The following ADAMTS19 variants were observed in gnomAD, a reference collection of about 807,000 sequenced individuals.
ADAMTS19 encodes A disintegrin and metalloproteinase with thrombospondin motifs 19.
A neutral mutation model predicts 153.3 loss-of-function variants in ADAMTS19; 93 were observed. The ratio of observed to expected loss-of-function variants is 0.61; its 90% confidence interval spans 0.51 to 0.72. ADAMTS19 has a LOEUF of 0.72. Among genes scored for constraint, ADAMTS19 ranks in the 30% least tolerant of loss-of-function variants. The probability of loss-of-function intolerance (pLI) is 0.00; values close to 1 mark genes in which losing one functional copy is unlikely to be tolerated. For synonymous variants in ADAMTS19, 600 were observed against 556.6 expected (o/e 1.08, Z -1.10); for missense variants, 1,482 against 1,552.1 (o/e 0.95, Z 0.76).
At chr5:129,594,351 A>C (rs2126915141) in intron 7 of ADAMTS19, among the ~76,000 whole-genome samples, 1 of 152,270 alleles carries the variant, frequency 6.6e-6, no homozygotes, top group Non-Finnish European at 1.5e-5. Context: ...CTGAGTTTTA[A>C]ATCTGAACAG....
chr5:129,631,082 G>A (rs3853508), intron 10 of ADAMTS19, among the ~76,000 whole-genome samples: 2,474 of 149,936 alleles, frequency 0.017, 29 homozygotes, highest in Non-Finnish European at 0.027. Flanking sequence ...AAACTAAATT[G>A]TTGCTGATAA....
At chr5:129,608,648 A>G (rs1485056613) in intron 8 of ADAMTS19, among the ~76,000 whole-genome samples, 2 of 152,078 alleles carry the variant, frequency 1.3e-5, no homozygotes, top group African/African-American at 4.8e-5. Context: ...ATAATGGCTC[A>G]CAGTGGAGCA....
At chr5:129,487,785 AGGTC>A (rs1364421140) in intron 2 of ADAMTS19, among the ~76,000 whole-genome samples, 5 of 152,020 alleles carry the variant, frequency 3.3e-5, no homozygotes, top group Admixed American at 2.6e-4. Flanking sequence ...TCTGTAGGAG[AGGTC>A]TGTGGCATTA....
At chr5:129,475,825 C>T (rs111923962) in intron 2 of ADAMTS19, among the ~76,000 whole-genome samples, 21,026 of 152,186 alleles carry the variant, frequency 0.14, 1,837 homozygotes, top group African/African-American at 0.24. Flanking sequence ...AGAGGAGACT[C>T]CATCTCAAAA....
At chr5:129,555,465 T>A (rs918024003) in intron 7 of ADAMTS19, among the ~76,000 whole-genome samples, 2 of 152,130 alleles carry the variant, frequency 1.3e-5, no homozygotes, top group Admixed American at 1.3e-4. Context: ...AACAAAAGGA[T>A]CATAGATTTT....
chr5:129,494,799 A>G (rs886752020), intron 2 of ADAMTS19, among the ~76,000 whole-genome samples: 5 of 152,226 alleles, frequency 3.3e-5, no homozygotes, highest in African/African-American at 1.2e-4. Flanking sequence ...CTTTCTTTCA[A>G]ATTACACATC....
intron 21 of ADAMTS19, among the ~76,000 whole-genome samples, chr5:129,717,282 A>C (rs1756774675): frequency 1.3e-5 from 2 of 152,184 alleles, no homozygotes; most frequent in South Asian, 4.1e-4. Context: ...TTACATATTT[A>C]AGCATTGTAT....
chr5:129,481,548 G>A (rs1396485302), intron 2 of ADAMTS19, among the ~76,000 whole-genome samples: 1 of 152,114 alleles, frequency 6.6e-6, no homozygotes, highest in Non-Finnish European at 1.5e-5. Context: ...TGAACCTGGA[G>A]GTACAGGTAT....
At chr5:129,565,030 A>G (rs1753657664) in intron 7 of ADAMTS19, among the ~76,000 whole-genome samples, 1 of 152,214 alleles carries the variant, frequency 6.6e-6, no homozygotes, top group South Asian at 2.1e-4. Flanking sequence ...AAGTAGCCCT[A>G]TGGTCACTCT....
intron 10 of ADAMTS19, among the ~76,000 whole-genome samples, chr5:129,631,710 T>C (rs1752305928): frequency 6.6e-6 from 1 of 151,990 alleles, no homozygotes; most frequent in Admixed American, 6.6e-5. Flanking sequence ...TATTATGCTT[T>C]TATTTAGTTT....
chr5:129,516,041 G>A (rs1208315451), intron 3 of ADAMTS19, among the ~76,000 whole-genome samples: 7 of 151,774 alleles, frequency 4.6e-5, no homozygotes, highest in African/African-American at 1.7e-4. Flanking sequence ...CAATTGACAT[G>A]ATCATATGGT....
chr5:129,707,772 A>G (rs1018694887), intron 21 of ADAMTS19, among the ~76,000 whole-genome samples: 2 of 152,174 alleles, frequency 1.3e-5, no homozygotes, highest in African/African-American at 2.4e-5. Context: ...AGTCTGCCCT[A>G]TTTTTAAAGT....
intron 7 of ADAMTS19, among the ~76,000 whole-genome samples, chr5:129,570,309 C>T (rs972606009): frequency 1.3e-5 from 2 of 150,860 alleles, no homozygotes; most frequent in Admixed American, 1.3e-4. Flanking sequence ...GCTCTGTGAG[C>T]ATCAGTTTGA....
chr5:129,640,280 T>C (rs994274059), intron 10 of ADAMTS19, among the ~76,000 whole-genome samples: 1 of 152,134 alleles, frequency 6.6e-6, no homozygotes, highest in East Asian at 1.9e-4. Flanking sequence ...TAAATTGTTG[T>C]TAAAAAAAGC....
At chr5:129,556,396 T>G (rs1229495624) in intron 7 of ADAMTS19, among the ~76,000 whole-genome samples, 2 of 152,202 alleles carry the variant, frequency 1.3e-5, no homozygotes, top group Non-Finnish European at 2.9e-5. Flanking sequence ...GGAAATAAAG[T>G]ATATTTCATT....
intron 2 of ADAMTS19, among the ~76,000 whole-genome samples, chr5:129,480,124 T>A (rs1253477651): frequency 6.6e-6 from 1 of 152,114 alleles, no homozygotes; most frequent in Non-Finnish European, 1.5e-5. Context: ...TAAGACGGAA[T>A]CCAGAAATAG....
intron 17 of ADAMTS19, among the ~76,000 whole-genome samples, chr5:129,683,726 T>G (rs1478213136): frequency 6.6e-6 from 1 of 151,554 alleles, no homozygotes; most frequent in South Asian, 2.1e-4. Context: ...TGATATATGA[T>G]AGAACACATA....
At chr5:129,462,233 A>G (rs993150912) in intron 2 of ADAMTS19, among the ~76,000 whole-genome samples, 1 of 152,162 alleles carries the variant, frequency 6.6e-6, no homozygotes. Flanking sequence ...GAACAGTTCT[A>G]TAGGGGATTA....
intron 2 of ADAMTS19, among the ~76,000 whole-genome samples, chr5:129,495,730 G>A (rs952822729): frequency 1.2e-4 from 18 of 152,030 alleles, no homozygotes; most frequent in African/African-American, 4.3e-4. Context: ...TTCTTTTGAT[G>A]TTCTTCTGTT....
Sources: allele counts gnomAD v4.1 joint callset (sites outside exome capture counted in the v4.1 genomes callset), GRCh38; gene constraint gnomAD v4.1.1; transcripts MANE v1.5; gene names NCBI Gene and HGNC (gene_info 2026-07-23, HGNC 2026-07-21).